Variants in DIP2C observed in about 807,000 individuals in gnomAD.
The protein encoded by DIP2C is DIP2 acetate--CoA ligase C (putative).
DIP2C carries 33 observed loss-of-function variants against 192.4 expected under a neutral mutation model. The observed-to-expected ratio is 0.17, with a 90% confidence interval of 0.13 to 0.23. The LOEUF (loss-of-function observed/expected upper bound fraction) is 0.23, where lower values mean the gene tolerates loss of function less well. Among genes scored for constraint, DIP2C ranks in the 10% least tolerant of loss-of-function variants. DIP2C has a pLI of 1.00. For synonymous variants in DIP2C, 979 were observed against 864.1 expected, an observed-to-expected ratio of 1.13 and a Z score of -2.33; for missense variants, 1,537 against 2,110.1, an observed-to-expected ratio of 0.73 and a Z score of 5.32.
chr10:621,982 T>C (rs1853879613), intron 1 of DIP2C, among the ~76,000 whole-genome samples: 1 of 152,006 alleles, frequency 6.6e-6, no homozygotes, highest in Admixed American at 6.5e-5. Context: ...TTTTTTTTAA[T>C]GCTCTACCGT....
chr10:532,643 A>T (rs1156249383), intron 1 of DIP2C, among the ~76,000 whole-genome samples: 3 of 86,680 alleles, frequency 3.5e-5, no homozygotes, highest in Admixed American at 3.4e-4. Flanking sequence ...GAGAGAGAGT[A>T]TGGGTGTGAG....
intron 5 of DIP2C, among the ~76,000 whole-genome samples, chr10:420,892 T>G (rs768179401): frequency 6.6e-6 from 1 of 152,138 alleles, no homozygotes; most frequent in Non-Finnish European, 1.5e-5. Context: ...GATCGGCCAG[T>G]GTGACTCAGC....
intron 1 of DIP2C, among the ~76,000 whole-genome samples, chr10:600,288 G>T (rs904894290): frequency 1.3e-5 from 2 of 152,202 alleles, no homozygotes; most frequent in Non-Finnish European, 1.5e-5. Context: ...GCTCATGTCA[G>T]GGCAGATGGT....
Position 486,363 on chromosome 10 carries a change from C to A in DIP2C, c.157+96G>T, listed in dbSNP as rs551737614. Reference sequence around the variant, plus strand: ...AACGCCAGACGCCTCCTCCTGCCGACTGGGAAGCAAGGGAGCGTCTGCCTC... The same window carrying A: ...AACGCCAGACGCCTCCTCCTGCCGAATGGGAAGCAAGGGAGCGTCTGCCTC... On this transcript the variant is annotated intron_variant, in intron 2 of 36. Transcript: ENST00000280886. 21 of 1,234,728 alleles carry A rather than the reference C, an allele frequency of 1.7e-5. 1 individual carries two copies. In the South Asian group the frequency reaches 3.4e-4, roughly 20 times the overall value. The allele number at this position is 1,234,728 out of a possible 1,614,324, so 76.5% of individuals were successfully genotyped here.
chr10:547,782 T>C lies in DIP2C; in HGVS notation c.86-61252A>G, dbSNP rs184551132. Reference sequence around the variant, plus strand: ...GTTTATACATGTGATAAAATCTCAGTCACGTCCCCTCTCTGCAGGGGGATT... The same window carrying C: ...GTTTATACATGTGATAAAATCTCAGCCACGTCCCCTCTCTGCAGGGGGATT... On this transcript the variant is annotated intron_variant, in intron 1 of 36. Transcript: ENST00000280886. Among the ~76,000 whole-genome samples, 122 of 152,228 alleles carry C rather than the reference T, an allele frequency of 8.0e-4. 1 individual carries two copies. The highest frequency in any genetic ancestry group is 1.5e-3 in the Non-Finnish European group (103 of 68,006).
chr10:638,948 C>T (rs115084608), intron 1 of DIP2C, among the ~76,000 whole-genome samples: 330 of 152,340 alleles, frequency 2.2e-3, no homozygotes, highest in African/African-American at 7.8e-3. Flanking sequence ...ACACAAAAGA[C>T]CCCACTGCCC....
intron 1 of DIP2C, among the ~76,000 whole-genome samples, chr10:619,212 T>C (rs773750109): frequency 6.6e-6 from 1 of 152,228 alleles, no homozygotes; most frequent in African/African-American, 2.4e-5. Context: ...TTTCAATACG[T>C]GCACCTTCGT....
At chr10:449,920 C>CAAAAAAAAAAAAAAAAAAAAAAAAAA (rs59135780) in intron 3 of DIP2C, among the ~76,000 whole-genome samples, 21 of 135,918 alleles carry the variant, frequency 1.5e-4, no homozygotes, top group Middle Eastern at 3.5e-3. Flanking sequence ...TCAACAACAA[C>CAAAAAAAAAAAAAAAAAAAAAAAAAA]AAAAAAAAAA....
rs1401719029 is a variant in DIP2C, at chr10:651,197, T to C, written c.85+38297A>G. 2 of 717,294 alleles carry C rather than the reference T, an allele frequency of 2.8e-6. No individual in the cohort carries two copies. Among genetic ancestry groups the C allele is most frequent in the African/African-American group, 3.5e-5 (2 of 57,264 alleles). 44.4% of individuals were successfully genotyped at this position (717,294 alleles called of 1,614,324 possible). On this transcript the variant is annotated intron_variant, in intron 1 of 36. Coordinates refer to ENST00000280886, the MANE Select transcript of DIP2C (RefSeq NM_014974.3). This position sits in a 1 kb window ranked among gnomAD's most constrained non-coding sequence, Gnocchi z 4.1. ...CTGGGACCACCGTCCTCCACGCATATCTACAGACCCTGTCCTCACCTGCAT... is the reference window on the plus strand; with the variant it reads ...CTGGGACCACCGTCCTCCACGCATACCTACAGACCCTGTCCTCACCTGCAT...
intron 3 of DIP2C, among the ~76,000 whole-genome samples, chr10:464,541 A>G (rs1970054245): frequency 8.0e-6 from 1 of 125,726 alleles, no homozygotes; most frequent in Non-Finnish European, 1.7e-5. Flanking sequence ...GGGAAGTGTA[A>G]ATTAGTTCAA....
At chr10:489,719 GGGCT>G (rs1844295319) in intron 1 of DIP2C, among the ~76,000 whole-genome samples, 1 of 129,824 alleles carries the variant, frequency 7.7e-6, no homozygotes, top group African/African-American at 2.9e-5. Flanking sequence ...ACGGTGCCCG[GGGCT>G]TCCTCCACTT....
At chr10:316,340 C>T (rs1015957244) in intron 31 of DIP2C, among the ~76,000 whole-genome samples, 2 of 152,198 alleles carry the variant, frequency 1.3e-5, no homozygotes, top group East Asian at 1.9e-4. Flanking sequence ...GGATGCTGGG[C>T]CTGAACACTG....
At chr10:680,592 GC>G (rs1831095333) in intron 1 of DIP2C, among the ~76,000 whole-genome samples, 1 of 152,180 alleles carries the variant, frequency 6.6e-6, no homozygotes, top group African/African-American at 2.4e-5. Context: ...AGGTAAACTG[GC>G]CCACACGGTC....
intron 1 of DIP2C, among the ~76,000 whole-genome samples, chr10:623,161 G>T (rs559982663): frequency 6.6e-6 from 1 of 152,130 alleles, no homozygotes; most frequent in Non-Finnish European, 1.5e-5. Context: ...TCAGGAGCAC[G>T]AGCATCAGGT....
chr10:535,306 A>G (rs978945757), intron 1 of DIP2C, among the ~76,000 whole-genome samples: 1 of 151,352 alleles, frequency 6.6e-6, no homozygotes, highest in East Asian at 2.0e-4. Flanking sequence ...GACAAGCAGC[A>G]GGCGAGAGGG....
intron 1 of DIP2C, among the ~76,000 whole-genome samples, chr10:552,149 A>AG (rs1435413519): frequency 1.3e-5 from 2 of 152,238 alleles, no homozygotes; most frequent in African/African-American, 4.8e-5. Flanking sequence ...TGTCGATGGC[A>AG]GCTCTACCAA....
chr10:556,016 G>C (rs964914078), intron 1 of DIP2C, among the ~76,000 whole-genome samples: 2 of 152,062 alleles, frequency 1.3e-5, no homozygotes. Context: ...TCCTGTTACA[G>C]TCCAGTCGCA....
intron 1 of DIP2C, among the ~76,000 whole-genome samples, chr10:621,971 CT>C (rs1343383929): frequency 2.0e-5 from 3 of 151,540 alleles, no homozygotes; most frequent in Non-Finnish European, 4.4e-5. Context: ...CCTGTTTTTT[CT>C]TTTTTTTAAT....
intron 1 of DIP2C, among the ~76,000 whole-genome samples, chr10:609,576 A>G (rs1265168922): frequency 2.6e-5 from 4 of 152,194 alleles, no homozygotes; most frequent in Non-Finnish European, 5.9e-5. Context: ...TTTATCTTTG[A>G]CATGAAGGGC....
Sources: allele counts gnomAD v4.1 joint callset (sites outside exome capture counted in the v4.1 genomes callset), GRCh38; gene constraint gnomAD v4.1.1; non-coding constraint Gnocchi (gnomAD v3.1); transcripts MANE v1.5; gene names NCBI Gene and HGNC (gene_info 2026-07-23, HGNC 2026-07-21).